CSMD3: variants seen among roughly 807,000 people sequenced by gnomAD.
CSMD3 encodes CUB and Sushi multiple domains 3.
In CSMD3, 177 loss-of-function variants were observed where a neutral mutation model predicts 435.2. The observed-to-expected ratio is 0.41, with a 90% CI of 0.36 to 0.46. The LOEUF is 0.46. Among genes scored for constraint, CSMD3 ranks in the 20% least tolerant of loss-of-function variants. CSMD3 has a pLI of 0.34. For missense variants in CSMD3, 4,265 were observed against 4,504.6 expected, an observed-to-expected ratio of 0.95 and a Z score of 1.52; for synonymous variants, 1,656 against 1,520.5, an observed-to-expected ratio of 1.09 and a Z score of -2.07.
chr8:113,032,215 G>A (rs1486437660), intron 5 of CSMD3, among the ~76,000 whole-genome samples: 1 of 151,590 alleles, frequency 6.6e-6, no homozygotes, highest in African/African-American at 2.4e-5. Flanking sequence ...TTTGGAAGTG[G>A]GTAAAAGGCA....
chr8:113,012,387 A>G (rs2086287258), intron 6 of CSMD3, among the ~76,000 whole-genome samples: 1 of 152,060 alleles, frequency 6.6e-6, no homozygotes, highest in Non-Finnish European at 1.5e-5. Flanking sequence ...TAATCTACTC[A>G]TCTATGTCTA....
At chr8:112,314,122 C>T (rs1822247426) in intron 48 of CSMD3, 70 bp from the exon 49 acceptor site, 1 of 1,185,490 alleles carries the variant, frequency 8.4e-7, no homozygotes, top group South Asian at 1.3e-5. Flanking sequence ...TATTTTATAT[C>T]TTTAGAATAG....
intron 3 of CSMD3, among the ~76,000 whole-genome samples, chr8:113,257,136 C>T (rs1160532285): frequency 6.6e-6 from 1 of 152,112 alleles, no homozygotes; most frequent in African/African-American, 2.4e-5. Context: ...GGGCCGGGCG[C>T]AGTGGCTCAT....
intron 1 of CSMD3, among the ~76,000 whole-genome samples, chr8:113,382,200 T>G (rs2094418961): frequency 6.6e-6 from 1 of 152,140 alleles, no homozygotes; most frequent in Non-Finnish European, 1.5e-5. Context: ...AAATTATTCT[T>G]TAAAAACGTT....
At chr8:113,190,800 G>T (rs1036206957) in intron 3 of CSMD3, among the ~76,000 whole-genome samples, 1 of 151,430 alleles carries the variant, frequency 6.6e-6, no homozygotes, top group African/African-American at 2.4e-5. Flanking sequence ...CTTAGCAAAG[G>T]TATTCATTGT....
intron 3 of CSMD3, among the ~76,000 whole-genome samples, chr8:113,178,840 C>T (rs576233147): frequency 3.5e-4 from 53 of 151,894 alleles, no homozygotes; most frequent in African/African-American, 1.2e-3. Flanking sequence ...AAAAATATTT[C>T]GAAAGGCTTG....
chr8:112,601,732 G>C (rs1287386640), intron 22 of CSMD3, among the ~76,000 whole-genome samples: 1 of 152,030 alleles, frequency 6.6e-6, no homozygotes, highest in African/African-American at 2.4e-5. Flanking sequence ...AATTTTCCTG[G>C]TATTGGGGAA....
chr8:112,355,010 G>A (rs1055041635), intron 38 of CSMD3, among the ~76,000 whole-genome samples: 11 of 152,148 alleles, frequency 7.2e-5, no homozygotes, highest in African/African-American at 2.2e-4. Context: ...CAGACACAAC[G>A]ATGGATGGAG....
intron 32 of CSMD3, among the ~76,000 whole-genome samples, chr8:112,425,791 A>C (rs550890784): frequency 6.6e-6 from 1 of 152,304 alleles, no homozygotes; most frequent in East Asian, 1.9e-4. Flanking sequence ...AAAATTTTCT[A>C]TTATTAAACT....
intron 63 of CSMD3, among the ~76,000 whole-genome samples, chr8:112,248,540 T>G (rs956737437): frequency 6.6e-6 from 1 of 152,150 alleles, no homozygotes; most frequent in African/African-American, 2.4e-5. Context: ...TCTGCCACTT[T>G]GTACTTCTCC....
intron 4 of CSMD3, among the ~76,000 whole-genome samples, chr8:113,130,044 G>T (rs2091245820): frequency 6.6e-6 from 1 of 151,742 alleles, no homozygotes; most frequent in African/African-American, 2.4e-5. Context: ...ATTAAAATAT[G>T]ATCAAAATAA....
At chr8:112,422,358 T>A (rs1234895437) in intron 32 of CSMD3, among the ~76,000 whole-genome samples, 1 of 152,186 alleles carries the variant, frequency 6.6e-6, no homozygotes, top group African/African-American at 2.4e-5. Flanking sequence ...ATAAAATGTG[T>A]TCTGAATAAA....
chr8:112,528,444 T>C lies in CSMD3; in HGVS notation c.4565-11219A>G, dbSNP rs1377451618. ...TCAAAATATCCCATTCTTCATAACA[T>C]GCTAGCAAGTAATTAGGAAAAAAAA... On this transcript the variant is annotated intron_variant, in intron 27 of 70. Coordinates refer to ENST00000297405, the MANE Select transcript of CSMD3 (RefSeq NM_198123.2). 3.3e-5 allele frequency among the ~76,000 whole-genome samples: 5 copies of C among 151,970 alleles called. No individual in the cohort carries two copies. The South Asian group carries it at 1.0e-3, about 31-fold the overall frequency.
intron 27 of CSMD3, among the ~76,000 whole-genome samples, chr8:112,549,774 G>A (rs1458540567): frequency 2.6e-5 from 4 of 151,960 alleles, no homozygotes; most frequent in South Asian, 2.1e-4. Flanking sequence ...TTATTCCTAC[G>A]TCAATTAGAA....
intron 22 of CSMD3, among the ~76,000 whole-genome samples, chr8:112,605,922 T>C (rs13265554): frequency 0.57 from 86,934 of 151,954 alleles, 25,384 homozygotes; most frequent in African/African-American, 0.68. Flanking sequence ...CCCTTCATTC[T>C]AATAAGTTTA....
At position 113,195,814 on chromosome 8, in the gene CSMD3, T is replaced by TATATATATATAC. The variant is rs1344054794; in HGVS notation, c.515-21899_515-21898insGTATATATATAT. On this transcript the variant is annotated intron_variant, in intron 3 of 70. Coordinates refer to ENST00000297405, the MANE Select transcript of CSMD3 (RefSeq NM_198123.2). The stretch of plus-strand genomic sequence containing the variant: ...TTTTATATATATATATATATATATA[T>TATATATATATAC]ACACACACACACACACACACACACA... Among the ~76,000 whole-genome samples the TATATATATATAC allele has an allele frequency of 6.2e-4, 83 of 133,424 alleles. 1 individual carries two copies. The highest frequency in any genetic ancestry group is 2.1e-3 in the African/African-American group (73 of 34,234). 87.5% of individuals were successfully genotyped at this position (133,424 alleles called of 152,430 possible).
chr8:112,535,799 G>C (rs1203967072), intron 27 of CSMD3, among the ~76,000 whole-genome samples: 2 of 152,140 alleles, frequency 1.3e-5, no homozygotes, highest in Non-Finnish European at 2.9e-5. Flanking sequence ...GACCAAAACA[G>C]CATGGTACTG....
At chr8:112,359,657 GACTTGATAGAGT>G (rs1407069679) in intron 38 of CSMD3, among the ~76,000 whole-genome samples, 3 of 152,094 alleles carry the variant, frequency 2.0e-5, no homozygotes, top group Admixed American at 2.0e-4. Context: ...TAAAAGCAGT[GACTTGATAGAGT>G]TATGATTAGA....
intron 3 of CSMD3, among the ~76,000 whole-genome samples, chr8:113,259,432 A>C (rs2093408967): frequency 6.6e-6 from 1 of 152,172 alleles, no homozygotes. Flanking sequence ...ATCCCTTCAG[A>C]AGCTTGAACA....
Sources: allele counts gnomAD v4.1 joint callset (sites outside exome capture counted in the v4.1 genomes callset), GRCh38; gene constraint gnomAD v4.1.1; transcripts MANE v1.5; gene names NCBI Gene and HGNC (gene_info 2026-07-23, HGNC 2026-07-21).